CCT2: variants seen among roughly 807,000 people sequenced by gnomAD.
The protein encoded by CCT2 is chaperonin containing TCP1 subunit 2, also known as T-complex protein 1 subunit beta.
In CCT2, 18 loss-of-function variants were observed where a neutral mutation model predicts 61.8. That is an observed-to-expected ratio of 0.29 (90% CI 0.20 to 0.43). CCT2 has a LOEUF of 0.43. CCT2 is among the 20% of genes least tolerant of loss of function. The pLI is 1.00. For missense variants in CCT2, 556 were observed against 656.9 expected (o/e 0.85, Z 1.68); for synonymous variants, 248 against 215.9 (o/e 1.15, Z -1.30).
chr12:69,590,868 C>T (rs1205374042), intron 7 of CCT2, among the ~76,000 whole-genome samples: 2 of 152,034 alleles, frequency 1.3e-5, no homozygotes, highest in African/African-American at 4.8e-5. Flanking sequence ...AGGCGTGTGC[C>T]ACCATGCCTG....
chr12:69,594,008 C>T (rs1364127478), intron 10 of CCT2, among the ~76,000 whole-genome samples: 4 of 151,838 alleles, frequency 2.6e-5, no homozygotes, highest in South Asian at 4.2e-4. Flanking sequence ...TGGTGGCAAG[C>T]GCCTGTGATC....
In CCT2 at chr12:69,600,007, A is replaced by G; in HGVS notation, c.1577+3A>G. The stretch of plus-strand genomic sequence containing the variant: ...AACATCATCAAAGCGGCACCCAGGT[A>G]CCCTAACACTTTTCTCAGAAAAAAT... On this transcript the variant is annotated splice_donor_region_variant and intron_variant, in intron 15 of 15. Transcript: ENST00000299300. The G allele has an allele frequency of 6.3e-7, 1 of 1,596,340 alleles. No individual in the cohort carries two copies. Among genetic ancestry groups the G allele is most frequent in the Non-Finnish European group, 8.5e-7 (1 of 1,173,498 alleles).
chr12:69,597,213 A>G lies in CCT2; in HGVS notation c.1040A>G (p.Lys347Arg), dbSNP rs778928710. The G allele has an allele frequency of 1.3e-5, 21 of 1,613,920 alleles. No homozygotes were observed. The highest frequency in any genetic ancestry group is 1.2e-4 in the South Asian group (11 of 91,094). The change falls in exon 11 of 16, where the codon AAA becomes AGA. Residue 347 changes from lysine (K) to arginine (R), a missense_variant. Around this residue, in one of 3 missense-constraint regions of CCT2, gnomAD observed 225 missense variants for 249.8 expected, o/e 0.90. Transcript: ENST00000299300. ...HPELVKLGSC[K>R]LIEEVMIGED... ...GAACTGGTGAAGCTTGGAAGTTGCA[A>G]ACTTATCGAGGAAGTCATGATTGGA...
chr12:69,593,280 AC>A (rs1881890813), intron 9 of CCT2, among the ~76,000 whole-genome samples, 177 bp downstream of exon 9: 1 of 152,234 alleles, frequency 6.6e-6, no homozygotes, highest in Admixed American at 6.5e-5. Context: ...GACCAGAATT[AC>A]GGGATTGATT....
intron 10 of CCT2, among the ~76,000 whole-genome samples, chr12:69,596,493 A>C: frequency 6.6e-6 from 1 of 152,208 alleles, no homozygotes. Flanking sequence ...TGGAAGATGG[A>C]GGGAAAATAG....
In CCT2 at chr12:69,592,055, G is replaced by A; in HGVS notation, c.650-4G>A. ...ATATGATACTGTTCTTATATTTATT[G>A]TAGGCTTCCTGTTGGATAAAAAAAT... On this transcript the variant is annotated splice_polypyrimidine_tract_variant and splice_region_variant and intron_variant, in intron 7 of 15. Transcript: ENST00000299300. 1 of 1,522,852 alleles carries A rather than the reference G, an allele frequency of 6.6e-7. No homozygotes were observed. Among genetic ancestry groups the A allele is most frequent in the South Asian group, 1.1e-5 (1 of 88,968 alleles). 94.3% of individuals were successfully genotyped at this position (1,522,852 alleles called of 1,614,324 possible). A position where few individuals can be genotyped will look rare whatever the true frequency, so the allele number is the denominator to read the frequency against.
In CCT2 at chr12:69,601,311, C is replaced by T. The variant is rs1215150006; in HGVS notation, c.1594C>T (p.His532Tyr). 6.2e-7 allele frequency: 1 copy of T among 1,604,888 alleles called. No individual in the cohort carries two copies. The highest frequency in any genetic ancestry group is 8.5e-7 in the Non-Finnish European group (1 of 1,177,704). ...KAAPRKRVPD[H>Y]HPC ...CTCTCATAGGAAACGTGTCCCTGAT[C>T]ACCACCCCTGTTAAGCATTCCCACG... The change falls in exon 16 of 16, where the codon CAC (histidine) becomes TAC (tyrosine). Residue 532 changes from histidine (H) to tyrosine (Y), a missense_variant. Physicochemically the swap from His to Tyr is moderately conservative, Grantham distance 83. Coordinates refer to ENST00000299300, the MANE Select transcript of CCT2 (RefSeq NM_006431.3).
chr12:69,586,862 G>A, intron 3 of CCT2, 44 bp downstream of exon 3: 1 of 1,188,746 alleles, frequency 8.4e-7, no homozygotes, highest in Non-Finnish European at 1.2e-6. Flanking sequence ...TTGTTTTAGA[G>A]CGCTTGGTGG....
Position 69,589,606 on chromosome 12 carries a change from C to T in CCT2, c.568C>T (p.Leu190=). Reference sequence around the variant, plus strand: ...GTTAGCTGTAGAAGCAGTTCTCAGACTGAAAGGCTCTGGCAACCTGGAGGC... The same window carrying T: ...GTTAGCTGTAGAAGCAGTTCTCAGATTGAAAGGCTCTGGCAACCTGGAGGC... The part of the protein sequence containing the change: ...TKLAVEAVLR[L]KGSGNLEAIH... Residue 190 remains leucine, a synonymous_variant, in exon 7 of 16, where the codon CTG becomes TTG. Coordinates refer to ENST00000299300, the MANE Select transcript of CCT2 (RefSeq NM_006431.3). The T allele has an allele frequency of 1.2e-6, 2 of 1,614,066 alleles. No homozygotes were observed. The highest frequency in any genetic ancestry group is 1.7e-6 in the Non-Finnish European group (2 of 1,180,000).
chr12:69,589,205 G>A (rs1316407602), intron 6 of CCT2: 2 of 435,670 alleles, frequency 4.6e-6, no homozygotes, highest in Non-Finnish European at 8.4e-6. Flanking sequence ...GATTACAGGC[G>A]TGAGCCACTG....
intron 10 of CCT2, among the ~76,000 whole-genome samples, chr12:69,596,382 AAGG>A (rs1177014273): frequency 2.0e-5 from 3 of 152,242 alleles, no homozygotes; most frequent in Non-Finnish European, 2.9e-5. Context: ...CACATTATGA[AAGG>A]AGTAGTCAGC....
At chr12:69,592,220 T>C in intron 8 of CCT2, 61 bp downstream of exon 8, 1 of 924,958 alleles carries the variant, frequency 1.1e-6, no homozygotes, top group Non-Finnish European at 1.7e-6. Context: ...CTCATGCCTG[T>C]AATCCTAGCA....
chr12:69,588,304 C>G (rs762267961), intron 6 of CCT2, 42 bp downstream of exon 6: 2 of 1,362,860 alleles, frequency 1.5e-6, no homozygotes, highest in African/African-American at 1.4e-5. Context: ...ATTTAGTGTT[C>G]TTTCATAACA....
At chr12:69,585,615 C>T (rs1270220726) in intron 1 of CCT2, 91 bp downstream of exon 1, 7 of 1,546,348 alleles carry the variant, frequency 4.5e-6, no homozygotes, top group African/African-American at 1.4e-5. Context: ...GGGTCGTAGG[C>T]TCCGTTTCTG....
intron 4 of CCT2, 33 bp from the exon 5 acceptor site, chr12:69,587,897 A>G (rs1254439161): frequency 6.6e-7 from 1 of 1,514,916 alleles, no homozygotes; most frequent in African/African-American, 1.4e-5. Context: ...GCAAAGAAGC[A>G]ATTTTGAGTT....
In CCT2 at chr12:69,588,150, GA is replaced by G; in HGVS notation, c.336del (p.Ala113GlnfsTer4). ...TTTTGTTTTATAACTTTATTAATAG[GA>G]AGCAGAATCTTTAATTGCAAAAAAG... ...VTVLAAELLREAESLIAKKIH... is the reference protein window; with the variant it reads ...VTVLAAELLRXAESLIAKKIH... On this transcript the variant is annotated frameshift_variant and splice_region_variant, in exon 6 of 16. Transcript: ENST00000299300. LOFTEE classifies it high-confidence loss of function. The G allele has an allele frequency of 1.2e-6, 2 of 1,611,034 alleles. No individual in the cohort carries two copies. The highest frequency in any genetic ancestry group is 1.7e-6 in the Non-Finnish European group (2 of 1,177,668).
In CCT2 at chr12:69,593,079, A is replaced by G. The variant is rs1881884955; in HGVS notation, c.854A>G (p.His285Arg). ...MKEKVERILK[H>R]GINCFINRQL... ...GAGAAAGTTGAACGTATTCTTAAGC[A>G]TGGAATAAATTGCTTTATTAACAGG... The change falls in exon 9 of 16, where the codon CAT becomes CGT. Residue 285 changes from histidine to arginine, a missense_variant. Coordinates refer to ENST00000299300, the MANE Select transcript of CCT2 (RefSeq NM_006431.3). 2 of 1,613,606 alleles carry G rather than the reference A, an allele frequency of 1.2e-6. No individual in the cohort carries two copies. The highest frequency in any genetic ancestry group is 8.5e-7 in the Non-Finnish European group (1 of 1,179,570).
chr12:69,589,369 T>C (rs1180141106), intron 6 of CCT2, 116 bp from the exon 7 acceptor site: 3 of 692,406 alleles, frequency 4.3e-6, no homozygotes, highest in African/African-American at 1.8e-5. Context: ...TTAATTCTTT[T>C]CATATAGCTT....
At chr12:69,585,837 A>C in intron 1 of CCT2, 1 of 1,317,226 alleles carries the variant, frequency 7.6e-7, no homozygotes, top group Non-Finnish European at 9.7e-7. Flanking sequence ...CCCTCCTTCT[A>C]GGGGCGGAGC....
Sources: allele counts gnomAD v4.1 joint callset (sites outside exome capture counted in the v4.1 genomes callset), GRCh38; gene constraint gnomAD v4.1.1; regional missense constraint gnomAD v4.1.1; transcripts MANE v1.5; gene names NCBI Gene and HGNC (gene_info 2026-07-23, HGNC 2026-07-21).